The following JAZF1 variants were observed in gnomAD, a reference collection of about 807,000 sequenced individuals.
The protein encoded by JAZF1 is JAZF zinc finger 1.
JAZF1 carries 8 observed loss-of-function variants against 26.4 expected under a neutral mutation model. The observed-to-expected ratio is 0.30, with a 90% CI of 0.18 to 0.55. The LOEUF (loss-of-function observed/expected upper bound fraction) is 0.55. JAZF1 is among the 20% of genes least tolerant of loss of function. The pLI is 0.94. For missense variants in JAZF1, 199 were observed against 322.0 expected (o/e 0.62, Z 2.92); for synonymous variants, 126 against 122.3 (o/e 1.03, Z -0.20).
rs148743890 is a variant in JAZF1, at chr7:28,005,419, A to G, written c.116-13438T>C. On this transcript the variant is annotated intron_variant, in intron 1 of 4. Coordinates refer to ENST00000283928, the MANE Select transcript of JAZF1 (RefSeq NM_175061.4). Reference sequence around the variant, plus strand: ...AGGGAAGCCGAATCATTGCTTAAAAAAAAAAAAAAAAGTCACAGGAGAAAG... The same window carrying G: ...AGGGAAGCCGAATCATTGCTTAAAAGAAAAAAAAAAAGTCACAGGAGAAAG... 5.4e-3 allele frequency among the ~76,000 whole-genome samples: 821 copies of G among 152,260 alleles called. 6 individuals carry two copies. The highest frequency in any genetic ancestry group is 0.02 in the Middle Eastern group (6 of 294).
chr7:28,007,055 T>TA (rs1460080119), intron 1 of JAZF1, among the ~76,000 whole-genome samples: 1 of 152,180 alleles, frequency 6.6e-6, no homozygotes, highest in African/African-American at 2.4e-5. Flanking sequence ...TCCCACTCTT[T>TA]AAGTGCTATC....
chr7:27,933,978 A>T (rs1032129027), intron 2 of JAZF1, among the ~76,000 whole-genome samples: 1 of 152,250 alleles, frequency 6.6e-6, no homozygotes, highest in African/African-American at 2.4e-5. Flanking sequence ...GCATTTTGCA[A>T]ACAGCCAACA....
At chr7:27,887,823 CCTCA>C (rs1783896084) in intron 3 of JAZF1, among the ~76,000 whole-genome samples, 1 of 152,112 alleles carries the variant, frequency 6.6e-6, no homozygotes. Context: ...TTGTTGCCAT[CCTCA>C]CTCCAACATT....
intron 2 of JAZF1, among the ~76,000 whole-genome samples, chr7:27,962,300 A>T (rs1011232723): frequency 6.6e-6 from 1 of 152,214 alleles, no homozygotes; most frequent in African/African-American, 2.4e-5. Flanking sequence ...TATGTTAAAA[A>T]AGGGTAAAAG....
chr7:28,114,072 CT>C (rs1381936094), intron 1 of JAZF1, among the ~76,000 whole-genome samples: 11 of 152,166 alleles, frequency 7.2e-5, no homozygotes, highest in Non-Finnish European at 7.3e-5. Context: ...AGAACAAAAG[CT>C]TAACACAACA....
chr7:28,171,506 T>G (rs995843245), intron 1 of JAZF1, among the ~76,000 whole-genome samples: 1 of 152,188 alleles, frequency 6.6e-6, no homozygotes, highest in African/African-American at 2.4e-5. Flanking sequence ...CCTGAGTTTC[T>G]GGGGGAGGAA....
intron 1 of JAZF1, among the ~76,000 whole-genome samples, chr7:28,154,051 T>C (rs950475033): frequency 1.3e-5 from 2 of 152,154 alleles, no homozygotes; most frequent in African/African-American, 2.4e-5. Context: ...ACTTTCATAA[T>C]GGGATGAAGA....
At chr7:27,990,738 C>G (rs1349304859) in intron 2 of JAZF1, among the ~76,000 whole-genome samples, 3 of 151,878 alleles carry the variant, frequency 2.0e-5, no homozygotes, top group Non-Finnish European at 4.4e-5. Flanking sequence ...ATTTCAAAAC[C>G]CTTGCTAATT....
At chr7:27,956,606 T>A (rs1785097370) in intron 2 of JAZF1, among the ~76,000 whole-genome samples, 1 of 152,190 alleles carries the variant, frequency 6.6e-6, no homozygotes, top group Admixed American at 6.5e-5. Context: ...CTATTTTCTC[T>A]TCATAAAAGT....
In JAZF1 at chr7:28,013,437, A is replaced by G. The variant is rs1782831972; in HGVS notation, c.116-21456T>C. ...TTGAGTGTGCATCAGAATCACCTGGAGGCCTGTTACAGCTCAGGATAGCGG... is the reference window on the plus strand; with the variant it reads ...TTGAGTGTGCATCAGAATCACCTGGGGGCCTGTTACAGCTCAGGATAGCGG... On this transcript the variant is annotated intron_variant, in intron 1 of 4. Coordinates refer to ENST00000283928, the MANE Select transcript of JAZF1 (RefSeq NM_175061.4). Among the ~76,000 whole-genome samples, 4 of 152,138 alleles carry G rather than the reference A, an allele frequency of 2.6e-5. No individual in the cohort carries two copies. The South Asian group carries it at 8.3e-4, about 32-fold the overall frequency.
chr7:28,039,753 A>T (rs1054277632), intron 1 of JAZF1, among the ~76,000 whole-genome samples: 1 of 152,184 alleles, frequency 6.6e-6, no homozygotes, highest in African/African-American at 2.4e-5. Flanking sequence ...CTTTAATTTA[A>T]AATTCAACGT....
chr7:28,092,872 G>T (rs1023721631), intron 1 of JAZF1, among the ~76,000 whole-genome samples: 9 of 149,612 alleles, frequency 6.0e-5, no homozygotes, highest in African/African-American at 2.2e-4. Context: ...AAAAAAAAAA[G>T]AAAGAAAGAA....
intron 3 of JAZF1, among the ~76,000 whole-genome samples, chr7:27,845,843 A>G (rs1054099283): frequency 2.9e-4 from 44 of 152,266 alleles, no homozygotes; most frequent in Non-Finnish European, 5.4e-4. Context: ...CTAAGCAGGA[A>G]AAGATCACAC....
intron 1 of JAZF1, among the ~76,000 whole-genome samples, chr7:28,169,361 C>A (rs1185525012): frequency 6.6e-6 from 1 of 152,182 alleles, no homozygotes; most frequent in Non-Finnish European, 1.5e-5. Flanking sequence ...CACACATCAT[C>A]AACCACTTTG....
Position 28,143,431 on chromosome 7 carries a change from C to A in JAZF1, c.115+37032G>T, listed in dbSNP as rs1782984847. Among the ~76,000 whole-genome samples the A allele has an allele frequency of 2.0e-5, 3 of 152,196 alleles. No homozygotes were observed. The South Asian group carries it at 6.2e-4, about 32-fold the overall frequency. On this transcript the variant is annotated intron_variant, in intron 1 of 4. Coordinates refer to ENST00000283928, the MANE Select transcript of JAZF1 (RefSeq NM_175061.4). ...AACCACTACACCTTGAACATATACA[C>A]CCTCCTTAGACAAAGCATCACACTG...
intron 2 of JAZF1, among the ~76,000 whole-genome samples, chr7:27,898,311 GTTTT>G (rs370764659): frequency 9.0e-6 from 1 of 111,250 alleles, no homozygotes; most frequent in Non-Finnish European, 1.8e-5. Flanking sequence ...ATATACATCG[GTTTT>G]TTTTTTTTTT....
intron 1 of JAZF1, among the ~76,000 whole-genome samples, chr7:28,142,578 C>A (rs2127945961): frequency 6.6e-6 from 1 of 152,274 alleles, no homozygotes; most frequent in East Asian, 1.9e-4. Context: ...TTCCTTTGTC[C>A]TGCCATTTTT....
chr7:28,125,588 G>A (rs1048959180), intron 1 of JAZF1, among the ~76,000 whole-genome samples: 3 of 152,172 alleles, frequency 2.0e-5, no homozygotes, highest in African/African-American at 7.2e-5. Context: ...AATCCAATGT[G>A]TAAAGTGAAT....
At chr7:27,936,896 T>C (rs564444921) in intron 2 of JAZF1, among the ~76,000 whole-genome samples, 1 of 152,354 alleles carries the variant, frequency 6.6e-6, no homozygotes, top group South Asian at 2.1e-4. Flanking sequence ...GCTTTAATCA[T>C]AGCCAAATAT....
Sources: gnomAD v4.1 joint callset for allele counts (sites outside exome capture counted in the v4.1 genomes callset) on GRCh38, gnomAD v4.1.1 for gene constraint, MANE v1.5 for transcripts, NCBI Gene and HGNC (gene_info 2026-07-23, HGNC 2026-07-21) for gene names.